The following OR4N5 variants were observed in gnomAD, a reference collection of about 807,000 sequenced individuals.
OR4N5 encodes olfactory receptor family 4 subfamily N member 5, also known as olfactory receptor 4N5.
For missense variants in OR4N5, 428 were observed against 370.0 expected (o/e 1.16, Z -1.29); for synonymous variants, 155 against 140.6 (o/e 1.10, Z -0.72).
rs565124081 is a variant in OR4N5 at position 20,144,602 on chromosome 14, T to G, written c.867T>G (p.Leu289=). The G allele has an allele frequency of 1.2e-6, 2 of 1,613,776 alleles. No homozygotes were observed. The highest frequency in any genetic ancestry group is 1.7e-6 in the Non-Finnish European group (2 of 1,179,874). ...FPLMNPVIYT[L]RNQEVKASMR... ...TGATGAACCCTGTTATTTATACGCTTCGCAACCAGGAGGTGAAAGCTTCCA... is the reference window on the plus strand; with the variant it reads ...TGATGAACCCTGTTATTTATACGCTGCGCAACCAGGAGGTGAAAGCTTCCA... Residue 289 remains leucine, a synonymous_variant, in exon 3 of 3, where the codon CTT becomes CTG. Transcript: ENST00000641086.
At chr14:20,140,535 C>T (rs139440291) in intron 1 of OR4N5, among the ~76,000 whole-genome samples, 1 of 152,278 alleles carries the variant, frequency 6.6e-6, no homozygotes, top group African/African-American at 2.4e-5. Context: ...GCTTCAGGAG[C>T]TGGTCTGAAA....
In OR4N5 at chr14:20,144,687, C is replaced by A. The variant is rs116877551; in HGVS notation, c.*25C>A. The A allele has an allele frequency of 6.8e-7, 1 of 1,471,358 alleles. No individual in the cohort carries two copies. Among genetic ancestry groups the A allele is most frequent in the South Asian group, 1.2e-5 (1 of 80,418 alleles). 91.1% of individuals were successfully genotyped at this position (1,471,358 alleles called of 1,614,324 possible). On this transcript the variant is annotated 3_prime_UTR_variant, in exon 3 of 3. Transcript: ENST00000641086. ...AATAGAAGAAAGAGAAAAGCAAGAA[C>A]GGAGAAAGTCCAGTTGAATTTAGCT...
chr14:20,143,765 A>C lies in OR4N5; in HGVS notation c.30A>C (p.Thr10=). 3.7e-6 allele frequency: 6 copies of C among 1,612,402 alleles called. No homozygotes were observed. The highest frequency in any genetic ancestry group is 5.1e-6 in the Non-Finnish European group (6 of 1,179,224). METQNLTVV[T]EFILLGLTQS... ...AAACACAGAACCTCACAGTGGTGAC[A>C]GAATTCATTCTTCTTGGTCTGACCC... Residue 10 remains threonine, a synonymous_variant, in exon 3 of 3, where the codon ACA becomes ACC. Transcript: ENST00000641086.
chr14:20,142,235 C>A (rs567088718), intron 2 of OR4N5, among the ~76,000 whole-genome samples: 9 of 152,088 alleles, frequency 5.9e-5, no homozygotes, highest in African/African-American at 2.2e-4. Context: ...ACACCATTCT[C>A]CTGCCTCAGC....
chr14:20,141,630 TTCTC>T (rs1459164585), intron 2 of OR4N5, among the ~76,000 whole-genome samples: 1 of 152,158 alleles, frequency 6.6e-6, no homozygotes, highest in Non-Finnish European at 1.5e-5. Flanking sequence ...TTTTTCTCCC[TTCTC>T]TCTTTCTAGT....
rs768808971 is a variant in OR4N5, at chr14:20,143,995, C to A, written c.260C>A (p.Ser87Tyr). 1.4e-5 allele frequency: 23 copies of A among 1,613,974 alleles called. No homozygotes were observed. The highest frequency in any genetic ancestry group is 1.9e-5 in the Non-Finnish European group (23 of 1,179,978). The change falls in exon 3 of 3, where the codon TCT (serine) becomes TAT (tyrosine). Residue 87 changes from serine to tyrosine, a missense_variant. Coordinates refer to ENST00000641086, the MANE Select transcript of OR4N5 (RefSeq NM_001004724.2). Reference protein sequence around the residue: ...VVPRMLVDFLSEKKVISYRSC... With the variant: ...VVPRMLVDFLYEKKVISYRSC... ...CCCAGGATGTTGGTGGACTTCCTCT[C>A]TGAGAAGAAGGTAATCTCCTATAGA...
At position 20,144,751 on chromosome 14, in the gene OR4N5, T is replaced by C; in HGVS notation, c.*89T>C. On this transcript the variant is annotated 3_prime_UTR_variant, in exon 3 of 3. Transcript: ENST00000641086. ...ATTCATGCATTGAATCAGTCAGTCA[T>C]TTAGCAAGTATTATAATTATTAAGT... 2 of 795,836 alleles carry C rather than the reference T, an allele frequency of 2.5e-6. No individual in the cohort carries two copies. The highest frequency in any genetic ancestry group is 1.7e-5 in the African/African-American group (1 of 57,664). The allele number at this position is 795,836 out of a possible 1,614,324, so 49.3% of individuals were successfully genotyped here.
At chr14:20,141,603 C>T (rs981957272) in intron 2 of OR4N5, among the ~76,000 whole-genome samples, 3 of 151,962 alleles carry the variant, frequency 2.0e-5, no homozygotes, top group African/African-American at 4.8e-5. Context: ...ATTTTTAAGG[C>T]TGATTTTTCT....
intron 1 of OR4N5, among the ~76,000 whole-genome samples, chr14:20,140,435 G>A (rs532205950): frequency 6.6e-6 from 1 of 152,258 alleles, no homozygotes; most frequent in East Asian, 1.9e-4. Context: ...AATGGGGAAG[G>A]ATGGGAAATA....
rs1878696471 is a variant in OR4N5, at chr14:20,144,540, A to G, written c.805A>G (p.Lys269Glu). 1.9e-6 allele frequency: 3 copies of G among 1,613,856 alleles called. No individual in the cohort carries two copies. The highest frequency in any genetic ancestry group is 1.1e-5 in the South Asian group (1 of 91,082). ...TCPFQAFPADKVVSLFHTVIF... is the reference protein window; with the variant it reads ...TCPFQAFPADEVVSLFHTVIF... ...CCCCTTCCAGGCTTTCCCAGCTGACAAGGTAGTTTCTCTTTTCCATACTGT... is the reference window on the plus strand; with the variant it reads ...CCCCTTCCAGGCTTTCCCAGCTGACGAGGTAGTTTCTCTTTTCCATACTGT... Residue 269 changes from lysine (K) to glutamate (E), a missense_variant, in exon 3 of 3, where the codon AAG (lysine) becomes GAG (glutamate). Physicochemically the swap from Lys to Glu is moderately conservative, Grantham distance 56. Transcript: ENST00000641086.
intron 2 of OR4N5, among the ~76,000 whole-genome samples, chr14:20,142,084 A>T (rs888209107): frequency 6.6e-6 from 1 of 152,146 alleles, no homozygotes; most frequent in Non-Finnish European, 1.5e-5. Flanking sequence ...AAAACATTTT[A>T]TAATAATCTC....
chr14:20,143,333 G>C (rs1594205277), intron 2 of OR4N5, among the ~76,000 whole-genome samples: 2 of 152,178 alleles, frequency 1.3e-5, no homozygotes, highest in African/African-American at 2.4e-5. Flanking sequence ...CTAAAACCTA[G>C]CAACTAATCT....
chr14:20,143,878 C>A lies in OR4N5; in HGVS notation c.143C>A (p.Thr48Asn). The change falls in exon 3 of 3, where the codon ACC (threonine) becomes AAC (asparagine). Residue 48 changes from threonine to asparagine, a missense_variant. Physicochemically the swap from Thr to Asn is moderately conservative, Grantham distance 65. Coordinates refer to ENST00000641086, the MANE Select transcript of OR4N5 (RefSeq NM_001004724.2). ...CCTGGAAATTTCCTCATCATTTTCA[C>A]CATAAAGTCAGACCCTGGGCTCACA... ...ILPGNFLIIF[T>N]IKSDPGLTAP... 2 of 1,614,012 alleles carry A rather than the reference C, an allele frequency of 1.2e-6. No individual in the cohort carries two copies. Among genetic ancestry groups the A allele is most frequent in the Non-Finnish European group, 1.7e-6 (2 of 1,179,958 alleles).
intron 2 of OR4N5, among the ~76,000 whole-genome samples, chr14:20,142,519 T>C (rs1878638572): frequency 6.6e-6 from 1 of 152,184 alleles, no homozygotes; most frequent in African/African-American, 2.4e-5. Context: ...TGAACACATC[T>C]AATTTTGGAG....
chr14:20,142,565 T>C (rs2139075409), intron 2 of OR4N5, among the ~76,000 whole-genome samples: 1 of 152,310 alleles, frequency 6.6e-6, no homozygotes, highest in South Asian at 2.1e-4. Flanking sequence ...TCCAGATTTC[T>C]CTGACATGAA....
rs1340194874 is a variant in OR4N5, at chr14:20,141,006, G to A, written c.-217G>A. On this transcript the variant is annotated 5_prime_UTR_variant, in exon 2 of 3. Transcript: ENST00000641086. ...CAAAAGGTACATAAATGAGGACAAA[G>A]GAAAGAAGAAAAGTGGATTAAAGAT... 1 of 151,986 alleles carries A rather than the reference G, an allele frequency of 6.6e-6. No homozygotes were observed. Among genetic ancestry groups the A allele is most frequent in the Non-Finnish European group, 1.5e-5 (1 of 67,986 alleles). 9.4% of individuals were successfully genotyped at this position (151,986 alleles called of 1,614,324 possible).
intron 1 of OR4N5, among the ~76,000 whole-genome samples, chr14:20,139,892 G>C (rs1878582810): frequency 6.6e-6 from 1 of 152,038 alleles, no homozygotes; most frequent in Non-Finnish European, 1.5e-5. Context: ...ACCTATTTTA[G>C]AACACCAAAA....
intron 1 of OR4N5, among the ~76,000 whole-genome samples, chr14:20,139,658 C>T (rs1033500377): frequency 4.6e-5 from 7 of 152,106 alleles, no homozygotes; most frequent in Non-Finnish European, 1.0e-4. Context: ...TTCATTTACA[C>T]AGATGTGGAT....
At chr14:20,139,709 C>T (rs112508202) in intron 1 of OR4N5, among the ~76,000 whole-genome samples, 39 of 152,194 alleles carry the variant, frequency 2.6e-4, no homozygotes, top group African/African-American at 8.9e-4. Flanking sequence ...ATTCCCTCTA[C>T]CCTGTGAAGT....
Sources: allele counts gnomAD v4.1 joint callset (sites outside exome capture counted in the v4.1 genomes callset), GRCh38; gene constraint gnomAD v4.1.1; transcripts MANE v1.5; gene names NCBI Gene and HGNC (gene_info 2026-07-23, HGNC 2026-07-21).